PCDHA10: variants seen among roughly 807,000 people sequenced by gnomAD.
The protein encoded by PCDHA10 is protocadherin alpha-10.
PCDHA10 carries 45 observed loss-of-function variants against 61.2 expected under a neutral mutation model. The observed-to-expected ratio is 0.74, with a 90% CI of 0.58 to 0.94. The LOEUF (loss-of-function observed/expected upper bound fraction) is 0.94, where lower values mean the gene tolerates loss of function less well. PCDHA10 is among the 40% of genes least tolerant of loss of function. The pLI is 0.00. For synonymous variants in PCDHA10, 602 were observed against 548.8 expected (o/e 1.10, Z -1.35); for missense variants, 1,278 against 1,236.2 (o/e 1.03, Z -0.51).
intron 3 of PCDHA10, among the ~76,000 whole-genome samples, chr5:141,008,863 C>T (rs902385521): frequency 6.6e-6 from 1 of 152,204 alleles, no homozygotes. Flanking sequence ...CTCTTCCATG[C>T]TGCATCCCAC....
At chr5:140,864,746 A>G (rs989903827) in intron 1 of PCDHA10, 1 of 152,144 alleles carries the variant, frequency 6.6e-6, no homozygotes, top group Admixed American at 6.5e-5. Context: ...AGCACCGATT[A>G]TACTCATTTT....
chr5:141,009,449 A>T, intron 3 of PCDHA10, among the ~76,000 whole-genome samples, 178 bp from the exon 4 acceptor site: 1 of 152,184 alleles, frequency 6.6e-6, no homozygotes, highest in Non-Finnish European at 1.5e-5. Context: ...GTCTCAAAAA[A>T]ATTAAACAAA....
Position 140,858,323 on chromosome 5 carries a change from G to A in PCDHA10, c.2275G>A (p.Gly759Arg). 1.3e-6 allele frequency: 2 copies of A among 1,596,704 alleles called. No homozygotes were observed. The highest frequency in any genetic ancestry group is 1.7e-6 in the Non-Finnish European group (2 of 1,166,738). ...GCAGAGGCGGCAGAGGGTGTGTTCT[G>A]GGGAGGGCCTGCCCAAGGCGGACCT... ...SQQRRQRVCS[G>R]EGLPKADLMA... Residue 759 changes from glycine (G) to arginine (R), a missense_variant, in exon 1 of 4, where the codon GGG (glycine) becomes AGG (arginine). Gly to Arg is a moderately radical substitution (Grantham distance 125, BLOSUM62 -2). Coordinates refer to ENST00000307360, the MANE Select transcript of PCDHA10 (RefSeq NM_018901.4).
Position 140,884,432 on chromosome 5 carries a change from C to A in PCDHA10, c.2388+25996C>A, listed in dbSNP as rs782413139. ...CACGTTGCTGCTGTATACTGCGCTG[C>A]GGTGCTCGGCACCGCCCACCGAGGG... On this transcript the variant is annotated intron_variant, in intron 1 of 3. Coordinates refer to ENST00000307360, the MANE Select transcript of PCDHA10 (RefSeq NM_018901.4). The A allele has an allele frequency of 4.3e-6, 7 of 1,613,764 alleles. No individual in the cohort carries two copies. The highest frequency in any genetic ancestry group is 5.1e-6 in the Non-Finnish European group (6 of 1,179,866).
At chr5:141,001,908 G>T (rs2098043431) in intron 3 of PCDHA10, among the ~76,000 whole-genome samples, 1 of 152,198 alleles carries the variant, frequency 6.6e-6, no homozygotes, top group Non-Finnish European at 1.5e-5. Flanking sequence ...GTTTGAAAAA[G>T]ACTGCAGTGG....
At chr5:140,870,279 T>C (rs1047130885) in intron 1 of PCDHA10, 3 of 1,614,120 alleles carry the variant, frequency 1.9e-6, no homozygotes, top group Non-Finnish European at 2.5e-6. Context: ...CGCCCCACGT[T>C]CCCTTCAAGC....
chr5:140,863,234 G>A (rs782122852), intron 1 of PCDHA10: 1 of 1,250,682 alleles, frequency 8.0e-7, no homozygotes. Flanking sequence ...GTCCCATCGC[G>A]GGCTTTGGCG....
intron 3 of PCDHA10, among the ~76,000 whole-genome samples, chr5:140,991,953 G>A (rs545142966): frequency 3.9e-5 from 6 of 152,110 alleles, no homozygotes; most frequent in Non-Finnish European, 8.8e-5. Context: ...TTAGAATGCA[G>A]TCATTTTGGT....
intron 1 of PCDHA10, among the ~76,000 whole-genome samples, chr5:140,976,863 T>G (rs116630325): frequency 0.028 from 4,205 of 152,320 alleles, 87 homozygotes; most frequent in Non-Finnish European, 0.044. Flanking sequence ...GAGTTTACTG[T>G]CTGACAAAGA....
chr5:141,004,369 C>T (rs1239142670), intron 3 of PCDHA10, among the ~76,000 whole-genome samples: 1 of 152,324 alleles, frequency 6.6e-6, no homozygotes, highest in South Asian at 2.1e-4. Context: ...ACACCTTGTT[C>T]TGCTCTGCGG....
chr5:140,996,691 C>A (rs150925396), intron 3 of PCDHA10, among the ~76,000 whole-genome samples: 217 of 152,274 alleles, frequency 1.4e-3, no homozygotes, highest in African/African-American at 5.0e-3. Context: ...TAGTATTCTT[C>A]TGAACCTCTA....
At chr5:140,865,776 T>C (rs1179893870) in intron 1 of PCDHA10, 1 of 152,204 alleles carries the variant, frequency 6.6e-6, no homozygotes, top group African/African-American at 2.4e-5. Flanking sequence ...ATTATTCAAA[T>C]GTGTATCTTT....
chr5:140,969,251 A>G, intron 1 of PCDHA10: 1 of 1,614,262 alleles, frequency 6.2e-7, no homozygotes, highest in South Asian at 1.1e-5. Flanking sequence ...AGTGACTGAC[A>G]GCAGGAATCT....
At chr5:140,999,892 G>A (rs1329841334) in intron 3 of PCDHA10, among the ~76,000 whole-genome samples, 1 of 152,134 alleles carries the variant, frequency 6.6e-6, no homozygotes, top group Non-Finnish European at 1.5e-5. Context: ...GCTGTAGCTT[G>A]GGACACCAAA....
At chr5:140,871,360 AG>A in intron 1 of PCDHA10, 1 of 1,614,180 alleles carries the variant, frequency 6.2e-7, no homozygotes, top group East Asian at 2.2e-5. Context: ...CTCGCAGCAG[AG>A]GCGGCAGAGG....
intron 1 of PCDHA10, chr5:140,876,989 G>T (rs781957201): frequency 1.2e-6 from 2 of 1,612,664 alleles, no homozygotes; most frequent in South Asian, 1.1e-5. Context: ...GCACTGTCGA[G>T]CTACGTGTCG....
chr5:140,970,096 T>C (rs2096383552), intron 1 of PCDHA10, among the ~76,000 whole-genome samples: 1 of 152,066 alleles, frequency 6.6e-6, no homozygotes, highest in South Asian at 2.1e-4. Flanking sequence ...GGGGGGATGG[T>C]GAAGACCAAG....
chr5:140,979,615 A>G (rs965487699), intron 2 of PCDHA10, among the ~76,000 whole-genome samples: 1 of 152,258 alleles, frequency 6.6e-6, no homozygotes, highest in Non-Finnish European at 1.5e-5. Context: ...GAGTAACGGT[A>G]TTAGTCTAAG....
intron 1 of PCDHA10, among the ~76,000 whole-genome samples, chr5:140,919,122 T>G (rs879989359): frequency 6.6e-6 from 1 of 152,224 alleles, no homozygotes; most frequent in African/African-American, 2.4e-5. Context: ...AGTTTTTGCT[T>G]CATGTGTTTT....
Sources: gnomAD v4.1 joint callset for allele counts (sites outside exome capture counted in the v4.1 genomes callset) on GRCh38, gnomAD v4.1.1 for gene constraint, MANE v1.5 for transcripts, NCBI Gene and HGNC (gene_info 2026-07-23, HGNC 2026-07-21) for gene names.